WAPL: variants seen among roughly 807,000 people sequenced by gnomAD.
WAPL encodes WAPL cohesin release factor, also known as wings apart-like protein homolog.
A neutral mutation model predicts 121.0 loss-of-function variants in WAPL; 5 were observed. That is an observed-to-expected ratio of 0.04 (90% CI 0.02 to 0.09). The LOEUF (loss-of-function observed/expected upper bound fraction) is 0.09. WAPL is among the 10% of genes least tolerant of loss of function. The pLI is 1.00. For synonymous variants in WAPL, 480 were observed against 481.5 expected, an observed-to-expected ratio of 1.00 and a Z score of 0.04; for missense variants, 999 against 1,410.8, an observed-to-expected ratio of 0.71 and a Z score of 4.68.
At chr10:86,513,596 T>C (rs1280444907) in intron 2 of WAPL, among the ~76,000 whole-genome samples, 1 of 152,194 alleles carries the variant, frequency 6.6e-6, no homozygotes, top group Non-Finnish European at 1.5e-5. Flanking sequence ...ATGACAGGCA[T>C]GAGCCGCCAC....
At chr10:86,440,549 T>G (rs1257502783) in intron 17 of WAPL, among the ~76,000 whole-genome samples, 1 of 152,152 alleles carries the variant, frequency 6.6e-6, no homozygotes, top group Non-Finnish European at 1.5e-5. Context: ...TCTGCCCACC[T>G]TGGCCTCCCA....
At chr10:86,459,976 T>C (rs914957721) in intron 11 of WAPL, among the ~76,000 whole-genome samples, 23 of 152,074 alleles carry the variant, frequency 1.5e-4, no homozygotes, top group Non-Finnish European at 2.9e-4. Flanking sequence ...CAGAAGGGCA[T>C]GATGGCACAT....
intron 10 of WAPL, among the ~76,000 whole-genome samples, chr10:86,460,750 G>C (rs1841249640): frequency 6.7e-6 from 1 of 150,066 alleles, no homozygotes; most frequent in Non-Finnish European, 1.5e-5. Flanking sequence ...TTTCGCTCTT[G>C]TTGCCCAGGC....
intron 4 of WAPL, among the ~76,000 whole-genome samples, chr10:86,490,666 G>A (rs541656657): frequency 1.3e-5 from 2 of 152,028 alleles, no homozygotes; most frequent in Non-Finnish European, 2.9e-5. Flanking sequence ...CAATTACAAA[G>A]AAATTAAAAT....
At chr10:86,475,175 A>T (rs1340001398) in intron 4 of WAPL, among the ~76,000 whole-genome samples, 1 of 152,238 alleles carries the variant, frequency 6.6e-6, no homozygotes, top group Non-Finnish European at 1.5e-5. Context: ...CTACAAAATC[A>T]AATCAAGTAA....
At chr10:86,508,451 C>G (rs1842392228) in intron 2 of WAPL, among the ~76,000 whole-genome samples, 1 of 152,098 alleles carries the variant, frequency 6.6e-6, no homozygotes, top group South Asian at 2.1e-4. Context: ...CCTCACATCC[C>G]TCTAGCTGCC....
intron 15 of WAPL, among the ~76,000 whole-genome samples, chr10:86,446,945 C>A (rs10887609): frequency 6.6e-6 from 1 of 151,904 alleles, no homozygotes; most frequent in Non-Finnish European, 1.5e-5. Context: ...GAGTGGTATA[C>A]AAACTTCAAA....
chr10:86,499,026 T>C (rs1292016429), intron 3 of WAPL, among the ~76,000 whole-genome samples: 1 of 152,250 alleles, frequency 6.6e-6, no homozygotes, highest in East Asian at 1.9e-4. Flanking sequence ...CCACCTGTTA[T>C]CAGTACAGTT....
intron 2 of WAPL, among the ~76,000 whole-genome samples, chr10:86,506,016 G>C (rs1326388490): frequency 6.6e-6 from 1 of 152,082 alleles, no homozygotes; most frequent in African/African-American, 2.4e-5. Context: ...CAACACTTTG[G>C]GAGGCCAAGG....
intron 2 of WAPL, among the ~76,000 whole-genome samples, chr10:86,514,260 T>C (rs1415226672): frequency 1.3e-5 from 2 of 152,124 alleles, no homozygotes; most frequent in Admixed American, 6.6e-5. Context: ...CCCACAACTA[T>C]AACAAACTTA....
chr10:86,479,662 T>C (rs920239739), intron 4 of WAPL, among the ~76,000 whole-genome samples: 1 of 152,246 alleles, frequency 6.6e-6, no homozygotes, highest in Non-Finnish European at 1.5e-5. Flanking sequence ...AGTAAGCTGA[T>C]AAGAATTCAT....
intron 4 of WAPL, among the ~76,000 whole-genome samples, chr10:86,481,885 C>T (rs1020286370): frequency 6.6e-6 from 1 of 151,678 alleles, no homozygotes. Context: ...ACGGAAAACC[C>T]CAACACTTAA....
intron 1 of WAPL, among the ~76,000 whole-genome samples, chr10:86,520,766 T>TAAAAAAA (rs10574217): frequency 3.1e-5 from 3 of 98,106 alleles, no homozygotes; most frequent in Non-Finnish European, 6.2e-5. Flanking sequence ...CGCTGTGATT[T>TAAAAAAA]AAAAAAAAAA....
chr10:86,481,662 C>T (rs1309430758), intron 4 of WAPL, among the ~76,000 whole-genome samples: 1 of 151,924 alleles, frequency 6.6e-6, no homozygotes, highest in Non-Finnish European at 1.5e-5. Context: ...CGTGAACCAC[C>T]GCGCCGGGCT....
At chr10:86,474,316 C>G (rs182650941) in intron 4 of WAPL, among the ~76,000 whole-genome samples, 2 of 151,762 alleles carry the variant, frequency 1.3e-5, no homozygotes, top group African/African-American at 2.4e-5. Flanking sequence ...GAGTTTGAGA[C>G]GAGCCTGGTC....
chr10:86,442,768 G>A (rs751939324), intron 17 of WAPL, among the ~76,000 whole-genome samples: 3 of 152,032 alleles, frequency 2.0e-5, no homozygotes, highest in South Asian at 2.1e-4. Context: ...GGCCGGGCAC[G>A]GTGGCTCACG....
At chr10:86,449,398 T>C (rs188562602) in intron 15 of WAPL, among the ~76,000 whole-genome samples, 24 of 152,192 alleles carry the variant, frequency 1.6e-4, no homozygotes, top group African/African-American at 4.3e-4. Context: ...GGTATTACAA[T>C]TGAAAAACAA....
chr10:86,499,032 C>T (rs117783426), intron 3 of WAPL, among the ~76,000 whole-genome samples: 373 of 152,306 alleles, frequency 2.4e-3, no homozygotes, highest in Non-Finnish European at 4.4e-3. Flanking sequence ...GTTATCAGTA[C>T]AGTTCCAAAG....
chr10:86,506,347 T>A (rs1842348072), intron 2 of WAPL, among the ~76,000 whole-genome samples: 1 of 152,236 alleles, frequency 6.6e-6, no homozygotes, highest in Non-Finnish European at 1.5e-5. Flanking sequence ...CTAACTTAGG[T>A]AATGGTTACA....
Sources: allele counts gnomAD v4.1 joint callset (sites outside exome capture counted in the v4.1 genomes callset), GRCh38; gene constraint gnomAD v4.1.1; transcripts MANE v1.5; gene names NCBI Gene and HGNC (gene_info 2026-07-23, HGNC 2026-07-21).